TXLNA: variants seen among roughly 807,000 people sequenced by gnomAD.
TXLNA encodes the protein alpha-taxilin.
TXLNA carries 9 observed loss-of-function variants against 61.4 expected under a neutral mutation model. The ratio of observed to expected loss-of-function variants is 0.15; its 90% CI spans 0.09 to 0.26. TXLNA has a LOEUF of 0.26. Among genes scored for constraint, TXLNA ranks in the 10% least tolerant of loss-of-function variants. The pLI, the probability that TXLNA is intolerant of heterozygous loss-of-function variation, is 1.00. For synonymous variants in TXLNA, 257 were observed against 267.7 expected (o/e 0.96, Z 0.39); for missense variants, 565 against 688.8 (o/e 0.82, Z 2.01).
intron 9 of TXLNA, 83 bp downstream of exon 9, chr1:32,193,383 C>T: frequency 9.6e-7 from 1 of 1,040,586 alleles, no homozygotes; most frequent in East Asian, 2.4e-5. Flanking sequence ...CAGGAAGCTC[C>T]CATCTGGGGT....
chr1:32,186,430 T>C (rs543737517), intron 4 of TXLNA, among the ~76,000 whole-genome samples: 1 of 152,116 alleles, frequency 6.6e-6, no homozygotes, highest in East Asian at 1.9e-4. Flanking sequence ...GTGAATAGCA[T>C]ATGCATTGTA....
intron 6 of TXLNA, among the ~76,000 whole-genome samples, chr1:32,191,880 G>A (rs1642914604): frequency 6.6e-6 from 1 of 152,220 alleles, no homozygotes; most frequent in South Asian, 2.1e-4. Flanking sequence ...GGATGCACAT[G>A]TCTAGTCTTT....
At position 32,184,691 on chromosome 1, in the gene TXLNA, G is replaced by A. The variant is rs771467294; in HGVS notation, c.597+75G>A. ...TGCCACCTGGTGTAAGGTTGGGGGT[G>A]CAGAGTCAAGTAGGTGGCTTAATTC... On this transcript the variant is annotated intron_variant, in intron 4 of 10. Coordinates refer to ENST00000373610, the MANE Select transcript of TXLNA (RefSeq NM_175852.4). The A allele has an allele frequency of 3.9e-5, 38 of 984,028 alleles. No individual in the cohort carries two copies. In the Admixed American group the frequency reaches 5.5e-4, roughly 14 times the overall value. The allele number at this position is 984,028 out of a possible 1,614,324, so 61.0% of individuals were successfully genotyped here.
Position 32,195,651 on chromosome 1 carries a change from TC to T in TXLNA, c.*457del. ...TGTGAGCAGGGCTTGCTTGGTCAGC[TC>T]AGGCCCTCCTAGCTGCTCTGGAGGC... On this transcript the variant is annotated 3_prime_UTR_variant, in exon 11 of 11. Coordinates refer to ENST00000373610, the MANE Select transcript of TXLNA (RefSeq NM_175852.4). The T allele has an allele frequency of 2.2e-6, 1 of 453,046 alleles. No individual in the cohort carries two copies. Among genetic ancestry groups the T allele is most frequent in the South Asian group, 1.6e-5 (1 of 63,972 alleles). 28.1% of individuals were successfully genotyped at this position (453,046 alleles called of 1,614,324 possible). A position where few individuals can be genotyped will look rare whatever the true frequency, so the allele number is the denominator to read the frequency against.
chr1:32,195,300 C>G lies in TXLNA; in HGVS notation c.*105C>G. ...AGCCCATTGCTGAAGCCAGGATGTTCTGACCTGGCTGGCATCTGGCACTTG... is the reference window on the plus strand; with the variant it reads ...AGCCCATTGCTGAAGCCAGGATGTTGTGACCTGGCTGGCATCTGGCACTTG... On this transcript the variant is annotated 3_prime_UTR_variant, in exon 11 of 11. Transcript: ENST00000373610. 4 of 1,332,664 alleles carry G rather than the reference C, an allele frequency of 3.0e-6. No homozygotes were observed. In the South Asian group the frequency reaches 6.1e-5, roughly 20 times the overall value. The allele number at this position is 1,332,664 out of a possible 1,614,324, so 82.6% of individuals were successfully genotyped here.
rs755289514 is a variant in TXLNA at position 32,197,518 on chromosome 1, C to G, written c.*2323C>G. The stretch of plus-strand genomic sequence containing the variant: ...CTTCATTGACCAAATCAACCAATCA[C>G]TACAGCTGCTCTGCTTCTGCTTTCC... On this transcript the variant is annotated 3_prime_UTR_variant, in exon 11 of 11. Transcript: ENST00000373610. This position sits in a 1 kb window ranked among gnomAD's most constrained non-coding sequence, Gnocchi z 4.6. 3 of 152,378 alleles carry G rather than the reference C, an allele frequency of 2.0e-5. No individual in the cohort carries two copies. Among genetic ancestry groups the G allele is most frequent in the Non-Finnish European group, 4.4e-5 (3 of 68,124 alleles). The allele number at this position is 152,378 out of a possible 1,614,324, so 9.4% of individuals were successfully genotyped here.
chr1:32,179,712 A>T lies in TXLNA; in HGVS notation c.-97A>T, dbSNP rs1168171844. On this transcript the variant is annotated 5_prime_UTR_variant, in exon 1 of 11. Coordinates refer to ENST00000373610, the MANE Select transcript of TXLNA (RefSeq NM_175852.4). ...AGGCGGGAGCAGGCGGCTGGCCGGC[A>T]GCAGTTACTCGGGGTTTCCGGTGCG... is the stretch of plus-strand genomic sequence containing the variant. The T allele has an allele frequency of 6.6e-6, 1 of 152,256 alleles. No homozygotes were observed. The highest frequency in any genetic ancestry group is 1.5e-5 in the Non-Finnish European group (1 of 68,088). 9.4% of individuals were successfully genotyped at this position (152,256 alleles called of 1,614,324 possible). A position where few individuals can be genotyped will look rare whatever the true frequency, so the allele number is the denominator to read the frequency against.
At chr1:32,182,876 G>A (rs991307461) in intron 3 of TXLNA, among the ~76,000 whole-genome samples, 1 of 151,422 alleles carries the variant, frequency 6.6e-6, no homozygotes, top group Non-Finnish European at 1.5e-5. Context: ...GACCAGCCTG[G>A]CCAACATGGT....
At position 32,182,215 on chromosome 1, in the gene TXLNA, C is replaced by T. The variant is rs140486121; in HGVS notation, c.505+638C>T. ...ATGGTAAGAGCCAAACAAAACCCAT[C>T]CGTGGGTTGGATTTGGCACACATGC... On this transcript the variant is annotated intron_variant, in intron 3 of 10. Transcript: ENST00000373610. Among the ~76,000 whole-genome samples the T allele has an allele frequency of 8.6e-5, 13 of 150,716 alleles. No homozygotes were observed. The East Asian group carries it at 2.4e-3, about 28-fold the overall frequency.
chr1:32,187,824 C>T (rs1231200377), intron 4 of TXLNA, 130 bp from the exon 5 acceptor site: 18 of 973,398 alleles, frequency 1.8e-5, no homozygotes, highest in Non-Finnish European at 2.6e-5. Flanking sequence ...CAGCATCAGC[C>T]CATGAGAGTG....
chr1:32,179,766 T>C lies in TXLNA; in HGVS notation c.-43T>C, dbSNP rs1343654572. The C allele has an allele frequency of 1.3e-5, 2 of 152,510 alleles. No homozygotes were observed. The highest frequency in any genetic ancestry group is 4.8e-5 in the African/African-American group (2 of 41,426). The allele number at this position is 152,510 out of a possible 1,614,324, so 9.4% of individuals were successfully genotyped here. ...CCAGAGGTGGGGAAGCCATCGGACG[T>C]CGGCGGTGAGGTACGTGCAGCGGCG... On this transcript the variant is annotated 5_prime_UTR_variant, in exon 1 of 11. Transcript: ENST00000373610.
intron 9 of TXLNA, 104 bp from the exon 10 acceptor site, chr1:32,193,961 A>G: frequency 2.2e-6 from 2 of 890,916 alleles, no homozygotes; most frequent in Non-Finnish European, 1.8e-6. Flanking sequence ...CCTTGGGATC[A>G]ATCATTCCCC....
In TXLNA at chr1:32,197,821, TTTTA is replaced by T. The variant is rs1216330584; in HGVS notation, c.*2630_*2633del. On this transcript the variant is annotated 3_prime_UTR_variant, in exon 11 of 11. Coordinates refer to ENST00000373610, the MANE Select transcript of TXLNA (RefSeq NM_175852.4). This position sits in a 1 kb window ranked among gnomAD's most constrained non-coding sequence, Gnocchi z 4.6. ...GAGAGGTGTCAGCAGCACTTTTTTT[TTTTA>T]TTTGTTGTTTGTTTTCCATGAGGTT... 1 of 152,240 alleles carries T rather than the reference TTTTA, an allele frequency of 6.6e-6. No homozygotes were observed. The highest frequency in any genetic ancestry group is 1.5e-5 in the Non-Finnish European group (1 of 68,060). 9.4% of individuals were successfully genotyped at this position (152,240 alleles called of 1,614,324 possible).
intron 6 of TXLNA, 131 bp downstream of exon 6, chr1:32,190,380 A>AG: frequency 3.4e-6 from 3 of 893,426 alleles, no homozygotes; most frequent in Non-Finnish European, 5.0e-6. Flanking sequence ...CCTTGGGAGG[A>AG]GAGTAATGTT....
Position 32,192,312 on chromosome 1 carries a change from A to G in TXLNA, c.965A>G (p.His322Arg), listed in dbSNP as rs780814384. The change falls in exon 7 of 11, where the codon CAT (histidine) becomes CGT (arginine). Residue 322 changes from histidine to arginine, a missense_variant and splice_region_variant. By Grantham distance (29) the His-to-Arg change is conservative. Around this residue, in one of 2 missense-constraint regions of TXLNA, gnomAD observed 373 missense variants for 504.0 expected, o/e 0.74. Coordinates refer to ENST00000373610, the MANE Select transcript of TXLNA (RefSeq NM_175852.4). This position sits in a 1 kb window ranked among gnomAD's most constrained non-coding sequence, Gnocchi z 4.2. ...CTGCTCCCACCATCTTTGTTGCAGC[A>G]TATCGACAAAGTCTTCAAACACAAG... ...LIEQYELREE[H>R]IDKVFKHKDL... is the part of the protein sequence containing the mutation. 1.9e-6 allele frequency: 3 copies of G among 1,613,766 alleles called. No homozygotes were observed. The highest frequency in any genetic ancestry group is 2.2e-5 in the East Asian group (1 of 44,878).
rs1569628275 is a variant in TXLNA at position 32,192,440 on chromosome 1, A to G, written c.1083+10A>G. 3 of 1,586,326 alleles carry G rather than the reference A, an allele frequency of 1.9e-6. No individual in the cohort carries two copies. Among genetic ancestry groups the G allele is most frequent in the East Asian group, 2.3e-5 (1 of 43,526 alleles). ...GCGGGAGAAGGATTTTGTGAGGCTCAGGCCCCAGGGTTGGGGTGGGGGTGG... is the reference window on the plus strand; with the variant it reads ...GCGGGAGAAGGATTTTGTGAGGCTCGGGCCCCAGGGTTGGGGTGGGGGTGG... On this transcript the variant is annotated intron_variant, in intron 7 of 10. Coordinates refer to ENST00000373610, the MANE Select transcript of TXLNA (RefSeq NM_175852.4). The surrounding 1 kb of genome is among the most constrained non-coding windows in gnomAD (Gnocchi z 4.2).
At chr1:32,185,675 C>G (rs1454567509) in intron 4 of TXLNA, among the ~76,000 whole-genome samples, 1 of 148,220 alleles carries the variant, frequency 6.7e-6, no homozygotes, top group Non-Finnish European at 1.5e-5. Context: ...GCTGGGATTA[C>G]AGGCTTGAGC....
chr1:32,194,041 C>T (rs1338083162), intron 9 of TXLNA, 24 bp from the exon 10 acceptor site: 3 of 1,599,730 alleles, frequency 1.9e-6, no homozygotes, highest in Non-Finnish European at 2.6e-6. Flanking sequence ...CTGACCATTT[C>T]CTTCTGTCTG....
intron 6 of TXLNA, 116 bp downstream of exon 6, chr1:32,190,365 C>T: frequency 9.8e-7 from 1 of 1,022,220 alleles, no homozygotes; most frequent in Admixed American, 2.7e-5. Context: ...CTTCCTCCTC[C>T]TCCTCCTTGG....
Sources: gnomAD v4.1 joint callset for allele counts (sites outside exome capture counted in the v4.1 genomes callset) on GRCh38, gnomAD v4.1.1 for gene constraint, gnomAD v4.1.1 regional missense constraint, Gnocchi (gnomAD v3.1) non-coding constraint, MANE v1.5 for transcripts, NCBI Gene and HGNC (gene_info 2026-07-23, HGNC 2026-07-21) for gene names.